The following SCLT1 variants were observed in gnomAD, a reference collection of about 807,000 sequenced individuals.
SCLT1 encodes the protein sodium channel-associated protein 1.
In SCLT1, 78 loss-of-function variants were observed where a neutral mutation model predicts 112.8. The ratio of observed to expected loss-of-function variants is 0.69; its 90% CI spans 0.58 to 0.83. The LOEUF (loss-of-function observed/expected upper bound fraction) is 0.83, where lower values mean the gene tolerates loss of function less well. Ranked by LOEUF, SCLT1 falls within the 40% of genes least tolerant of loss-of-function variation. The pLI, the probability that SCLT1 is intolerant of heterozygous loss-of-function variation, is 0.00. For synonymous variants in SCLT1, 257 were observed against 254.7 expected (o/e 1.01, Z -0.09); for missense variants, 747 against 770.4 (o/e 0.97, Z 0.36).
chr4:129,043,352 C>T, intron 4 of SCLT1, 43 bp downstream of exon 4: 1 of 1,009,420 alleles, frequency 9.9e-7, no homozygotes, highest in Non-Finnish European at 1.5e-6. Context: ...TTTTTATTTT[C>T]ATAATAAAAT....
intron 11 of SCLT1, among the ~76,000 whole-genome samples, chr4:128,961,527 A>G (rs1739729671): frequency 6.6e-6 from 1 of 151,696 alleles, no homozygotes; most frequent in Non-Finnish European, 1.5e-5. Flanking sequence ...ATTTTCAGAC[A>G]TTTCTTTTTT....
At chr4:129,053,889 C>G (rs1263504500) in intron 2 of SCLT1, among the ~76,000 whole-genome samples, 1 of 152,004 alleles carries the variant, frequency 6.6e-6, no homozygotes, top group African/African-American at 2.4e-5. Context: ...CAGTGCCTGT[C>G]ACCAGTTTTT....
chr4:129,065,881 G>A (rs544850299), intron 2 of SCLT1, among the ~76,000 whole-genome samples: 44 of 151,918 alleles, frequency 2.9e-4, no homozygotes, highest in African/African-American at 9.9e-4. Flanking sequence ...ATTCTGGGAG[G>A]GAAACACAAA....
At chr4:129,054,416 A>G (rs985304812) in intron 2 of SCLT1, among the ~76,000 whole-genome samples, 2 of 151,990 alleles carry the variant, frequency 1.3e-5, no homozygotes, top group African/African-American at 4.8e-5. Flanking sequence ...CTTTTCACAT[A>G]GTCCCATATT....
intron 11 of SCLT1, among the ~76,000 whole-genome samples, chr4:128,961,578 T>C (rs777123672): frequency 6.6e-6 from 1 of 152,188 alleles, no homozygotes; most frequent in Non-Finnish European, 1.5e-5. Flanking sequence ...TTCTCCCCAC[T>C]AACCACATCA....
At chr4:128,901,534 G>A (rs1032711978) in intron 18 of SCLT1, among the ~76,000 whole-genome samples, 6 of 151,690 alleles carry the variant, frequency 4.0e-5, no homozygotes, top group South Asian at 2.1e-4. Context: ...GGTGGTGGGG[G>A]GGGGGAGGGA....
At position 128,957,063 on chromosome 4, in the gene SCLT1, C is replaced by T. The variant is rs372095705; in HGVS notation, c.1109G>A (p.Arg370Gln). 6.2e-6 allele frequency: 10 copies of T among 1,600,478 alleles called. No homozygotes were observed. The highest frequency in any genetic ancestry group is 1.7e-4 in the Middle Eastern group (1 of 5,894). Residue 370 changes from arginine to glutamine, a missense_variant, in exon 13 of 21, where the codon CGG becomes CAG. Physicochemically the swap from Arg to Gln is conservative, Grantham distance 43 (BLOSUM62 1). Coordinates refer to ENST00000281142, the MANE Select transcript of SCLT1 (RefSeq NM_144643.4). ...TCTTATGGTAGCATCTTGTACAAAC[C>T]GAGAAACTGTCTCTTTCATTTTCTC... ...DIEKMKETVSRFVQDATIRTK... is the reference protein window; with the variant it reads ...DIEKMKETVSQFVQDATIRTK...
chr4:129,017,329 T>C (rs1333852213), intron 5 of SCLT1, among the ~76,000 whole-genome samples: 1 of 152,174 alleles, frequency 6.6e-6, no homozygotes, highest in Non-Finnish European at 1.5e-5. Flanking sequence ...TAAACAGAAA[T>C]GTACATGTAC....
intron 13 of SCLT1, among the ~76,000 whole-genome samples, chr4:128,954,984 A>G (rs897458624): frequency 6.6e-6 from 1 of 152,190 alleles, no homozygotes; most frequent in African/African-American, 2.4e-5. Context: ...GTTTATGTCA[A>G]TAAGAGGGTA....
At chr4:129,027,083 C>T (rs1355064502) in intron 5 of SCLT1, among the ~76,000 whole-genome samples, 4 of 152,022 alleles carry the variant, frequency 2.6e-5, no homozygotes, top group Non-Finnish European at 5.9e-5. Context: ...AAAAAGAGTC[C>T]AGGACCAGAT....
chr4:128,975,226 A>T (rs1179530998), intron 9 of SCLT1, among the ~76,000 whole-genome samples: 1 of 151,520 alleles, frequency 6.6e-6, no homozygotes, highest in East Asian at 1.9e-4. Flanking sequence ...TTTTCAGTAG[A>T]GACGGGGTTT....
chr4:129,023,675 A>G lies in SCLT1; in HGVS notation c.290+15366T>C, dbSNP rs540575037. Among the ~76,000 whole-genome samples, 13 of 152,316 alleles carry G rather than the reference A, an allele frequency of 8.5e-5. No homozygotes were observed. The South Asian group carries it at 2.7e-3, about 32-fold the overall frequency. ...TGGGTTCATCTCACTAGGGGGTGCC[A>G]GACAGTGGGTGCAGGACAGTGGGTG... On this transcript the variant is annotated intron_variant, in intron 5 of 20. Transcript: ENST00000281142.
At position 128,884,528 on chromosome 4, in the gene SCLT1, A is replaced by G; in HGVS notation, c.2016T>C (p.Ile672=). Residue 672 remains isoleucine (I), a synonymous_variant, in exon 21 of 21, where the codon ATT becomes ATC. Transcript: ENST00000281142. The part of the protein sequence containing the change: ...AASASQQLSV[I]TVQRRKAASL... ...AGGCTGCTTTTCTTCTCTGCACTGTAATCACACTGAGCTGCAATTAAAATA... is the reference window on the plus strand; with the variant it reads ...AGGCTGCTTTTCTTCTCTGCACTGTGATCACACTGAGCTGCAATTAAAATA... 1 of 1,598,676 alleles carries G rather than the reference A, an allele frequency of 6.3e-7. No homozygotes were observed. The highest frequency in any genetic ancestry group is 8.6e-7 in the Non-Finnish European group (1 of 1,166,976).
At chr4:129,000,346 T>C (rs1188158935) in intron 6 of SCLT1, among the ~76,000 whole-genome samples, 1 of 152,004 alleles carries the variant, frequency 6.6e-6, no homozygotes, top group Non-Finnish European at 1.5e-5. Context: ...TTTGTAATTA[T>C]TTTAACAAAA....
chr4:128,891,261 C>T (rs1000624748), intron 18 of SCLT1, 124 bp from the exon 19 acceptor site: 19 of 691,234 alleles, frequency 2.7e-5, no homozygotes, highest in Non-Finnish European at 3.7e-5. Context: ...AATAAAGTCA[C>T]TTACTAATAG....
At chr4:128,970,353 C>T (rs753267818) in intron 10 of SCLT1, 25 bp downstream of exon 10, 2 of 1,225,042 alleles carry the variant, frequency 1.6e-6, no homozygotes, top group Non-Finnish European at 2.4e-6. Context: ...AATAGGTACC[C>T]ATTTGTCTTA....
chr4:128,919,056 C>T (rs1334445784), intron 18 of SCLT1, among the ~76,000 whole-genome samples: 1 of 152,086 alleles, frequency 6.6e-6, no homozygotes, highest in African/African-American at 2.4e-5. Flanking sequence ...AGGATCTGCA[C>T]AGGACATTTG....
At chr4:128,952,974 T>A in intron 13 of SCLT1, 134 bp from the exon 14 acceptor site, 1 of 606,486 alleles carries the variant, frequency 1.6e-6, no homozygotes, top group Non-Finnish European at 2.9e-6. Context: ...AATAAGCACA[T>A]AATATATTAA....
intron 2 of SCLT1, among the ~76,000 whole-genome samples, chr4:129,066,168 T>C (rs1271177291): frequency 6.6e-6 from 1 of 152,034 alleles, no homozygotes; most frequent in Non-Finnish European, 1.5e-5. Flanking sequence ...TACATTTAAC[T>C]GTATTAAAAG....
Sources: gnomAD v4.1 joint callset for allele counts (sites outside exome capture counted in the v4.1 genomes callset) on GRCh38, gnomAD v4.1.1 for gene constraint, MANE v1.5 for transcripts, NCBI Gene and HGNC (gene_info 2026-07-23, HGNC 2026-07-21) for gene names.